LYSMD4: variants seen among roughly 807,000 people sequenced by gnomAD.
LYSMD4 encodes the protein lysM and putative peptidoglycan-binding domain-containing protein 4.
LYSMD4 carries 9 observed loss-of-function variants against 6.1 expected under a neutral mutation model. That is an observed-to-expected ratio of 1.47 (90% CI 0.88 to 2.56). The LOEUF is 2.56. Among genes scored for constraint, LYSMD4 ranks in the 30% most tolerant of loss-of-function variants. The pLI is 0.00. For missense variants in LYSMD4, 384 were observed against 373.5 expected (o/e 1.03, Z -0.23); for synonymous variants, 143 against 148.5 (o/e 0.96, Z 0.27).
downstream of LYSMD4, among the ~76,000 whole-genome samples, chr15:99,727,047 A>G (rs111457619): frequency 0.011 from 1,747 of 152,148 alleles, 32 homozygotes; most frequent in African/African-American, 0.038. Flanking sequence ...GCAGCATCCC[A>G]CATCTTTTAA....
chr15:99,725,472 T>C (rs1163261566), downstream of LYSMD4, among the ~76,000 whole-genome samples: 1 of 152,178 alleles, frequency 6.6e-6, no homozygotes, highest in Non-Finnish European at 1.5e-5. Context: ...AGTCCCACTT[T>C]ACTTCTCAAA....
intron 2 of LYSMD4, among the ~76,000 whole-genome samples, chr15:99,730,677 G>C (rs2141130264): frequency 6.6e-6 from 1 of 152,194 alleles, no homozygotes; most frequent in East Asian, 1.9e-4. Flanking sequence ...TGAGACCCTT[G>C]AGATCTTTCT....
In LYSMD4 at chr15:99,731,765, C is replaced by T; in HGVS notation, c.235G>A (p.Ala79Thr). 1 of 1,609,168 alleles carries T rather than the reference C, an allele frequency of 6.2e-7. No individual in the cohort carries two copies. The highest frequency in any genetic ancestry group is 1.1e-5 in the South Asian group (1 of 90,824). ...GDVVLLQREL[A>T]QEDSLNKLAL... ...AGCTTGTTGAGGCTGTCCTCCTGGG[C>T]CAGCTCCCGCTGCAGCAGCACCACG... The change falls in exon 2 of 3, where the codon GCC (alanine) becomes ACC (threonine). Residue 79 changes from alanine (A) to threonine (T), a missense_variant. By Grantham distance (58) the Ala-to-Thr change is moderately conservative. Coordinates refer to ENST00000684762, the MANE Select transcript of LYSMD4 (RefSeq NM_001284417.2).
chr15:99,716,751 CT>C, exon 2 of LYSMD4: 1 of 453,626 alleles, frequency 2.2e-6, no homozygotes, highest in Non-Finnish European at 4.4e-6. Context: ...CCACCGGGGC[CT>C]AATCTGGCTG....
chr15:99,731,221 A>G (rs767278560), intron 2 of LYSMD4: 1 of 1,611,880 alleles, frequency 6.2e-7, no homozygotes, highest in Non-Finnish European at 8.5e-7. Context: ...TTAGAGAAAA[A>G]CAGGGTTATA....
upstream of LYSMD4, among the ~76,000 whole-genome samples, chr15:99,722,396 T>C (rs943757054): frequency 6.6e-6 from 1 of 152,190 alleles, no homozygotes; most frequent in Admixed American, 6.5e-5. Flanking sequence ...TCAGAAGGAC[T>C]GAACTCATTC....
At chr15:99,719,059 T>G (rs1196769220), upstream of LYSMD4, among the ~76,000 whole-genome samples, 1 of 152,244 alleles carries the variant, frequency 6.6e-6, no homozygotes, top group East Asian at 1.9e-4. Context: ...TTATCTACAG[T>G]CCTTTTACTT....
downstream of LYSMD4, among the ~76,000 whole-genome samples, chr15:99,724,245 T>C (rs745411738): frequency 9.7e-5 from 14 of 144,416 alleles, no homozygotes; most frequent in African/African-American, 4.1e-4. Flanking sequence ...TACTCTGGCA[T>C]AGGTCTTTTT....
chr15:99,723,086 CAG>C (rs1343487489), downstream of LYSMD4, among the ~76,000 whole-genome samples: 7 of 151,544 alleles, frequency 4.6e-5, no homozygotes, highest in Non-Finnish European at 7.4e-5. Flanking sequence ...ATAGATTAGA[CAG>C]ATACTACAGA....
downstream of LYSMD4, among the ~76,000 whole-genome samples, chr15:99,724,099 A>G (rs1445075040): frequency 6.6e-6 from 1 of 150,940 alleles, no homozygotes; most frequent in Non-Finnish European, 1.5e-5. Flanking sequence ...TTTGAAAAGA[A>G]CCATCCACTG....
At chr15:99,717,918 T>C (rs1444068115), upstream of LYSMD4, 2 of 152,264 alleles carry the variant, frequency 1.3e-5, no homozygotes, top group East Asian at 1.9e-4. Context: ...GAACTCACTT[T>C]TGACTTACAG....
exon 1 of LYSMD4, chr15:99,717,420 G>C (rs1218710580): frequency 6.6e-6 from 1 of 152,210 alleles, no homozygotes; most frequent in Non-Finnish European, 1.5e-5. Context: ...CGGTCGTCCG[G>C]TGCTCACAAG....
intron 2 of LYSMD4, chr15:99,731,386 G>A (rs2059406210): frequency 1.2e-6 from 2 of 1,613,244 alleles, no homozygotes; most frequent in African/African-American, 1.3e-5. Context: ...AATTCTGCCT[G>A]GTATCTCCAG....
upstream of LYSMD4, among the ~76,000 whole-genome samples, chr15:99,722,007 G>A (rs2059241275): frequency 6.6e-6 from 1 of 152,154 alleles, no homozygotes; most frequent in African/African-American, 2.4e-5. Flanking sequence ...GTACTGGGGA[G>A]GGGGAAGCTG....
At chr15:99,722,423 A>T (rs1175473542), downstream of LYSMD4, among the ~76,000 whole-genome samples, 1 of 152,230 alleles carries the variant, frequency 6.6e-6, no homozygotes, top group African/African-American at 2.4e-5. Flanking sequence ...ACCATGCCCC[A>T]GGACAAAGCA....
downstream of LYSMD4, among the ~76,000 whole-genome samples, chr15:99,723,047 A>T (rs528375965): frequency 5.6e-4 from 84 of 151,230 alleles, no homozygotes; most frequent in Non-Finnish European, 7.2e-4. Context: ...TTTTTTTTTT[A>T]AAAAAAGGAC....
chr15:99,729,696 T>C lies in LYSMD4; in HGVS notation c.318A>G (p.Arg106=). The part of the protein sequence containing the change: ...ADIKKVNNFI[R]EQDLYALKSV... ...ATTTCAAAGCATATAAGTCTTGTTC[T>C]CTGATGAAGTTGTTGACTTTCTTGA... Residue 106 remains arginine, a synonymous_variant, in exon 3 of 3, where the codon AGA becomes AGG. Transcript: ENST00000684762. 3 of 1,611,820 alleles carry C rather than the reference T, an allele frequency of 1.9e-6. No homozygotes were observed. The highest frequency in any genetic ancestry group is 1.7e-6 in the Non-Finnish European group (2 of 1,179,216).
rs12442844 is a variant in LYSMD4 at position 99,716,335 on chromosome 15, A to C, written c.*67T>G. ...TGAACCTTTTAAGAAAAATAAGTTA[A>C]TCTCAATTTTTCCCTGAATGTGTTG... On this transcript the variant is annotated 3_prime_UTR_variant, in exon 1 of 1. Transcript: ENST00000378904. The C allele has an allele frequency of 9.5e-3, 3,323 of 350,392 alleles. 109 individuals are homozygous for C. In the East Asian group the frequency reaches 0.11, roughly 12 times the overall value. 21.7% of individuals were successfully genotyped at this position (350,392 alleles called of 1,614,324 possible).
At chr15:99,717,271 T>C (rs142871304) in exon 1 of LYSMD4, 1 of 152,544 alleles carries the variant, frequency 6.6e-6, no homozygotes, top group Non-Finnish European at 1.5e-5. Flanking sequence ...TTAAAGTCAA[T>C]TCATTACATT....
Sources: gnomAD v4.1 joint callset for allele counts (sites outside exome capture counted in the v4.1 genomes callset) on GRCh38, gnomAD v4.1.1 for gene constraint, MANE v1.5 for transcripts, NCBI Gene and HGNC (gene_info 2026-07-23, HGNC 2026-07-21) for gene names.